The following CDH13 variants were observed in gnomAD, a reference collection of about 807,000 sequenced individuals.
CDH13 encodes the protein cadherin-13.
In CDH13, 24 loss-of-function variants were observed where a neutral mutation model predicts 63.8. That is an observed-to-expected ratio of 0.38 (90% CI 0.27 to 0.53). CDH13 has a LOEUF of 0.53. CDH13 is among the 20% of genes least tolerant of loss of function. CDH13 has a pLI of 0.85. For synonymous variants in CDH13, 503 were observed against 355.3 expected (o/e 1.42, Z -4.67); for missense variants, 1,049 against 903.1 (o/e 1.16, Z -2.07).
chr16:83,185,712 A>G (rs1279241240), intron 4 of CDH13, among the ~76,000 whole-genome samples: 3 of 152,242 alleles, frequency 2.0e-5, no homozygotes, highest in Non-Finnish European at 4.4e-5. Flanking sequence ...TATCATAACG[A>G]GAACAGGAGT....
At chr16:83,196,364 A>T (rs1389223719) in intron 4 of CDH13, among the ~76,000 whole-genome samples, 1 of 152,218 alleles carries the variant, frequency 6.6e-6, no homozygotes, top group East Asian at 1.9e-4. Flanking sequence ...AATCTTAGGG[A>T]TCTAAGGCTA....
chr16:82,828,209 A>G (rs10492859), intron 1 of CDH13, among the ~76,000 whole-genome samples: 24,076 of 152,190 alleles, frequency 0.16, 2,610 homozygotes, highest in Non-Finnish European at 0.23. Context: ...GGTTAGAGAA[A>G]AGCTTGGGCC....
chr16:83,315,569 T>A (rs1467592507), intron 5 of CDH13, among the ~76,000 whole-genome samples: 1 of 152,152 alleles, frequency 6.6e-6, no homozygotes, highest in East Asian at 1.9e-4. Context: ...TCATCACCAA[T>A]TTGTGCTTTG....
At chr16:83,333,182 G>A (rs147956047) in intron 5 of CDH13, among the ~76,000 whole-genome samples, 4 of 152,252 alleles carry the variant, frequency 2.6e-5, no homozygotes, top group Admixed American at 6.5e-5. Flanking sequence ...GAGTTGGTCC[G>A]TAATGACATT....
intron 2 of CDH13, among the ~76,000 whole-genome samples, chr16:82,963,056 C>A (rs1018792650): frequency 2.6e-5 from 4 of 151,910 alleles, no homozygotes; most frequent in African/African-American, 9.7e-5. Context: ...GATCTTTATC[C>A]GTTTAACCAA....
intron 2 of CDH13, among the ~76,000 whole-genome samples, chr16:82,900,559 T>A (rs1177617769): frequency 2.0e-5 from 3 of 152,174 alleles, no homozygotes; most frequent in Non-Finnish European, 2.9e-5. Context: ...TTTGTTATTT[T>A]CCCCGAATAA....
intron 5 of CDH13, among the ~76,000 whole-genome samples, chr16:83,322,343 G>C (rs1207525036): frequency 6.6e-6 from 1 of 152,214 alleles, no homozygotes; most frequent in Non-Finnish European, 1.5e-5. Context: ...GGAGCAGCCA[G>C]AGAACATAAA....
chr16:83,271,990 C>T (rs1245009902), intron 5 of CDH13, among the ~76,000 whole-genome samples: 1 of 152,164 alleles, frequency 6.6e-6, no homozygotes, highest in Non-Finnish European at 1.5e-5. Context: ...AAACATTTGT[C>T]TTGTGCCTTA....
intron 6 of CDH13, among the ~76,000 whole-genome samples, chr16:83,404,938 G>A (rs2092020059): frequency 6.6e-6 from 1 of 152,166 alleles, no homozygotes; most frequent in Admixed American, 6.5e-5. Flanking sequence ...GTTAGGTTGT[G>A]TTGATAACAT....
chr16:83,112,037 G>T (rs1444958169), intron 3 of CDH13, among the ~76,000 whole-genome samples: 2 of 152,120 alleles, frequency 1.3e-5, no homozygotes, highest in East Asian at 3.9e-4. Flanking sequence ...GGAGAAAAAA[G>T]TTTCCAGAGT....
At chr16:82,918,846 C>T (rs1000946700) in intron 2 of CDH13, among the ~76,000 whole-genome samples, 2 of 152,104 alleles carry the variant, frequency 1.3e-5, no homozygotes, top group Admixed American at 6.5e-5. Flanking sequence ...TGACTAATTG[C>T]TCCTCTCCAG....
At chr16:83,017,484 C>A (rs182118761) in intron 2 of CDH13, among the ~76,000 whole-genome samples, 4 of 152,330 alleles carry the variant, frequency 2.6e-5, no homozygotes, top group African/African-American at 9.6e-5. Flanking sequence ...TTGTAAAAAG[C>A]AATCCAGCTT....
chr16:83,040,272 A>C (rs1223087600), intron 3 of CDH13, among the ~76,000 whole-genome samples: 1 of 152,120 alleles, frequency 6.6e-6, no homozygotes, highest in African/African-American at 2.4e-5. Context: ...AAGACACAGA[A>C]CTAATGTGAT....
chr16:83,107,977 GCCA>G (rs2034860874), intron 3 of CDH13, among the ~76,000 whole-genome samples: 2 of 151,706 alleles, frequency 1.3e-5, no homozygotes, highest in African/African-American at 4.8e-5. Context: ...TGCCACCACA[GCCA>G]CCCAGCTAAT....
chr16:83,114,612 G>GT (rs2035212793), intron 3 of CDH13, among the ~76,000 whole-genome samples: 1 of 152,156 alleles, frequency 6.6e-6, no homozygotes, highest in African/African-American at 2.4e-5. Flanking sequence ...TCTGCAGTGG[G>GT]TGACTTAGTT....
chr16:83,750,510 C>A (rs1425235317), intron 11 of CDH13, among the ~76,000 whole-genome samples: 1 of 152,052 alleles, frequency 6.6e-6, no homozygotes, highest in East Asian at 1.9e-4. Context: ...ATAGCATGTA[C>A]CTTATTTGGA....
intron 6 of CDH13, among the ~76,000 whole-genome samples, chr16:83,389,948 C>T (rs1337768347): frequency 2.6e-5 from 4 of 152,204 alleles, no homozygotes; most frequent in Admixed American, 6.5e-5. Flanking sequence ...CTAATGGGAT[C>T]TGAGCTCGGC....
chr16:83,108,401 T>A (rs900447176), intron 3 of CDH13, among the ~76,000 whole-genome samples: 18 of 152,120 alleles, frequency 1.2e-4, no homozygotes, highest in Middle Eastern at 3.4e-3. Flanking sequence ...CATAAAAGGG[T>A]GAGAAACAGA....
At chr16:83,621,475 C>CTTTTTT (rs72032168) in intron 8 of CDH13, among the ~76,000 whole-genome samples, 504 of 28,532 alleles carry the variant, frequency 0.018, 210 homozygotes, top group Non-Finnish European at 0.022. Context: ...CCTCACCTGC[C>CTTTTTT]TTTTTTTTTT....
Sources: allele counts gnomAD v4.1 joint callset (sites outside exome capture counted in the v4.1 genomes callset), GRCh38; gene constraint gnomAD v4.1.1; transcripts MANE v1.5; gene names NCBI Gene and HGNC (gene_info 2026-07-23, HGNC 2026-07-21).